PPP2R5C: variants seen among roughly 807,000 people sequenced by gnomAD.
PPP2R5C encodes the protein protein phosphatase 2 regulatory subunit B'gamma.
A neutral mutation model predicts 68.9 loss-of-function variants in PPP2R5C; 7 were observed. The observed-to-expected ratio is 0.10, with a 90% confidence interval of 0.06 to 0.19. The LOEUF is 0.19. Among genes scored for constraint, PPP2R5C ranks in the 10% least tolerant of loss-of-function variants. The pLI is 1.00. For missense variants in PPP2R5C, 348 were observed against 641.3 expected (o/e 0.54, Z 4.94); for synonymous variants, 210 against 222.2 (o/e 0.95, Z 0.49).
At chr14:101,911,418 C>T (rs1028664762) in intron 11 of PPP2R5C, among the ~76,000 whole-genome samples, 6 of 152,230 alleles carry the variant, frequency 3.9e-5, no homozygotes, top group Non-Finnish European at 8.8e-5. Flanking sequence ...CCAGCCATTC[C>T]TCTAGAGCTG....
At chr14:101,867,441 T>A (rs1176076990) in intron 2 of PPP2R5C, among the ~76,000 whole-genome samples, 2 of 151,766 alleles carry the variant, frequency 1.3e-5, no homozygotes, top group Non-Finnish European at 2.9e-5. Context: ...GTACCACATT[T>A]GTCATCATCA....
At chr14:101,841,526 CCAGA>C (rs994923930) in intron 1 of PPP2R5C, among the ~76,000 whole-genome samples, 10 of 152,180 alleles carry the variant, frequency 6.6e-5, no homozygotes, top group Non-Finnish European at 1.3e-4. Context: ...CGTTCCGTGT[CCAGA>C]CAGACACTTT....
In PPP2R5C at chr14:101,831,491, T is replaced by C. The variant is rs74764860; in HGVS notation, c.94+21455T>C. ...AATGGGCCAGTGGGCATAGCATCTT[T>C]TTAAGCTTCCTTCCAGTTTGTGGTA... On this transcript the variant is annotated intron_variant, in intron 1 of 13. Coordinates refer to ENST00000334743, the Ensembl canonical transcript of PPP2R5C. Among the ~76,000 whole-genome samples the C allele has an allele frequency of 6.2e-3, 947 of 152,340 alleles. 18 individuals are homozygous for C. The East Asian group carries it at 0.082, about 13-fold the overall frequency.
At chr14:101,902,128 T>C (rs2141030913) in intron 9 of PPP2R5C, among the ~76,000 whole-genome samples, 1 of 152,370 alleles carries the variant, frequency 6.6e-6, no homozygotes, top group Non-Finnish European at 1.5e-5. Context: ...CTGGCTTCTC[T>C]GTAAAGCTGT....
At position 101,856,862 on chromosome 14, in the gene PPP2R5C, A is replaced by G. The variant is rs780337914; in HGVS notation, c.271A>G (p.Ile91Val). 1.6e-5 allele frequency: 26 copies of G among 1,613,912 alleles called. No individual in the cohort carries two copies. In the South Asian group the frequency reaches 1.8e-4, roughly 11 times the overall value. Reference sequence around the variant, plus strand: ...TAATCGGAATGTGATCACAGAGCCTATTTACCCAGAAGTAGTCCATATGGT... The same window carrying G: ...TAATCGGAATGTGATCACAGAGCCTGTTTACCCAGAAGTAGTCCATATGGT... Residue 91 changes from isoleucine to valine, a missense_variant, in exon 2 of 14, where the codon ATT (isoleucine) becomes GTT (valine). By Grantham distance (29) the Ile-to-Val change is conservative. Transcript: ENST00000334743.
upstream of PPP2R5C, among the ~76,000 whole-genome samples, chr14:101,809,552 CTTTTT>C (rs5811049): frequency 1.7e-4 from 16 of 92,916 alleles, no homozygotes; most frequent in African/African-American, 6.9e-4. Flanking sequence ...TATACACACA[CTTTTT>C]TTTTTTTTTT....
At chr14:101,785,736 G>C (rs1030987497) in intron 2 of PPP2R5C, among the ~76,000 whole-genome samples, 1 of 152,164 alleles carries the variant, frequency 6.6e-6, no homozygotes, top group Non-Finnish European at 1.5e-5. Flanking sequence ...ATCTTTAGGC[G>C]TCATTATTTA....
chr14:101,845,964 T>C (rs2041803716), intron 1 of PPP2R5C, among the ~76,000 whole-genome samples: 1 of 152,200 alleles, frequency 6.6e-6, no homozygotes, highest in Admixed American at 6.5e-5. Flanking sequence ...AAATGAAGTG[T>C]ACCTGGCGGT....
chr14:101,833,933 C>T (rs1341283607), intron 1 of PPP2R5C, among the ~76,000 whole-genome samples: 1 of 152,184 alleles, frequency 6.6e-6, no homozygotes, highest in Non-Finnish European at 1.5e-5. Flanking sequence ...TCCCATGTAG[C>T]TGGGATTACA....
At chr14:101,762,060 C>G (rs1181084995) in intron 1 of PPP2R5C, 140 bp downstream of exon 1, 6 of 915,644 alleles carry the variant, frequency 6.6e-6, no homozygotes, top group African/African-American at 1.8e-5. Context: ...CGAGGGCGGC[C>G]GAGCCAGGCA....
chr14:101,816,849 GAA>G (rs1398486054), intron 1 of PPP2R5C, among the ~76,000 whole-genome samples: 1 of 136,412 alleles, frequency 7.3e-6, no homozygotes, highest in African/African-American at 2.8e-5. Context: ...ATGTTTGAGA[GAA>G]ATAAATATAT....
chr14:101,763,567 G>C (rs539757960), intron 2 of PPP2R5C, among the ~76,000 whole-genome samples: 16 of 152,162 alleles, frequency 1.1e-4, no homozygotes, highest in Middle Eastern at 3.4e-3. Context: ...ATTTTTATTA[G>C]AGACGGGGTT....
intron 10 of PPP2R5C, among the ~76,000 whole-genome samples, chr14:101,907,912 C>A (rs2046145484): frequency 6.6e-6 from 1 of 152,176 alleles, no homozygotes; most frequent in Non-Finnish European, 1.5e-5. Flanking sequence ...TGAGCCAGAC[C>A]CCCGAGCGAG....
At chr14:101,857,274 G>A in intron 2 of PPP2R5C, among the ~76,000 whole-genome samples, 1 of 152,216 alleles carries the variant, frequency 6.6e-6, no homozygotes, top group East Asian at 1.9e-4. Context: ...CCATCCATGT[G>A]CAGGAAAATT....
intron 3 of PPP2R5C, among the ~76,000 whole-genome samples, chr14:101,802,884 T>C (rs888181037): frequency 6.7e-6 from 1 of 150,048 alleles, no homozygotes; most frequent in Admixed American, 6.7e-5. Context: ...TCAACATCTC[T>C]GTCATTAGGA....
At chr14:101,922,932 G>T (rs1212274100) in intron 13 of PPP2R5C, among the ~76,000 whole-genome samples, 1 of 152,228 alleles carries the variant, frequency 6.6e-6, no homozygotes, top group Admixed American at 6.5e-5. Flanking sequence ...AAGGAAACTT[G>T]CATAGCCATG....
At chr14:101,925,202 A>G in exon 14 of PPP2R5C, 1 of 1,613,648 alleles carries the variant, frequency 6.2e-7, no homozygotes, top group Non-Finnish European at 8.5e-7. Context: ...CTGCCTCAGG[A>G]CCCCCACACC....
At chr14:101,925,466 A>G in exon 14 of PPP2R5C, 1 of 981,912 alleles carries the variant, frequency 1.0e-6, no homozygotes, top group Non-Finnish European at 1.4e-6. Context: ...GCCCGCTGGC[A>G]GAGCCGCGGG....
intron 1 of PPP2R5C, among the ~76,000 whole-genome samples, chr14:101,814,539 A>G (rs1017739853): frequency 3.9e-5 from 6 of 152,194 alleles, no homozygotes; most frequent in African/African-American, 1.4e-4. Context: ...ATACGCTCTC[A>G]ATCTCAGAGG....
Sources: gnomAD v4.1 joint callset for allele counts (sites outside exome capture counted in the v4.1 genomes callset) on GRCh38, gnomAD v4.1.1 for gene constraint, MANE v1.5 for transcripts, NCBI Gene and HGNC (gene_info 2026-07-23, HGNC 2026-07-21) for gene names.